MAP2: variants seen among roughly 807,000 people sequenced by gnomAD.
MAP2 encodes microtubule associated protein 2, also known as microtubule-associated protein 2.
Under a neutral mutation model 137.6 loss-of-function variants are expected in MAP2, and 14 were observed. The ratio of observed to expected loss-of-function variants is 0.10; its 90% CI spans 0.07 to 0.16. The LOEUF is 0.16. Among genes scored for constraint, MAP2 ranks in the 10% least tolerant of loss-of-function variants. The probability of loss-of-function intolerance (pLI) is 1.00; values close to 1 mark genes in which losing one functional copy is unlikely to be tolerated. For synonymous variants in MAP2, 786 were observed against 782.3 expected, an observed-to-expected ratio of 1.00 and a Z score of -0.08; for missense variants, 2,088 against 2,191.5, an observed-to-expected ratio of 0.95 and a Z score of 0.94.
intron 2 of MAP2, among the ~76,000 whole-genome samples, chr2:209,576,132 T>A (rs1047741771): frequency 6.6e-6 from 1 of 152,170 alleles, no homozygotes; most frequent in Admixed American, 6.5e-5. Flanking sequence ...CTAAATCAGA[T>A]TCTTAAAGAT....
chr2:209,658,602 G>A (rs2041988141), intron 5 of MAP2, among the ~76,000 whole-genome samples: 1 of 152,026 alleles, frequency 6.6e-6, no homozygotes, highest in Admixed American at 6.5e-5. Flanking sequence ...TGCCTCCCGG[G>A]TTCAAGCGAT....
In MAP2 at chr2:209,438,988, C is replaced by T. The variant is rs190627444; in HGVS notation, c.-222+14712C>T. On this transcript the variant is annotated intron_variant, in intron 1 of 15. Coordinates refer to ENST00000682079, the MANE Select transcript of MAP2 (RefSeq NM_001375505.1). ...ACTCTAATAAAAATTTCATTTTGCT[C>T]TTAAAAATAACATACTGATTTTTAT... Among the ~76,000 whole-genome samples the T allele has an allele frequency of 9.8e-3, 1,491 of 151,464 alleles. 9 individuals are homozygous for T. Among genetic ancestry groups the T allele is most frequent in the South Asian group, 0.028 (134 of 4,814 alleles).
intron 5 of MAP2, among the ~76,000 whole-genome samples, chr2:209,654,137 A>T (rs2094982767): frequency 6.6e-6 from 1 of 152,224 alleles, no homozygotes; most frequent in South Asian, 2.1e-4. Flanking sequence ...GTGCTGCAGC[A>T]AATTCACAAG....
chr2:209,666,173 C>T (rs1003304657), intron 5 of MAP2, among the ~76,000 whole-genome samples: 1 of 152,116 alleles, frequency 6.6e-6, no homozygotes, highest in Admixed American at 6.6e-5. Context: ...AACTTGCTTT[C>T]CTTCGAGCTT....
At chr2:209,600,824 C>T (rs2082772435) in intron 3 of MAP2, among the ~76,000 whole-genome samples, 1 of 152,306 alleles carries the variant, frequency 6.6e-6, no homozygotes, top group East Asian at 1.9e-4. Context: ...TTCCCTTCTT[C>T]TTCTCTATAG....
Position 209,559,479 on chromosome 2 carries a change from C to CAAAAAAAAAAAAAA in MAP2, c.-171-20545_-171-20532dup, listed in dbSNP as rs59788211. On this transcript the variant is annotated intron_variant, in intron 2 of 15. Transcript: ENST00000682079. ...TGAAACTCCATCTCTGCCAAAAATA[C>CAAAAAAAAAAAAAA]AAAAAAAAAAAAAAAAAAAAAAAAA... Among the ~76,000 whole-genome samples, 2 of 37,542 alleles carry CAAAAAAAAAAAAAA rather than the reference C, an allele frequency of 5.3e-5. 1 individual carries two copies. 24.6% of individuals were successfully genotyped at this position (37,542 alleles called of 152,430 possible).
chr2:209,693,361 A>G lies in MAP2; in HGVS notation c.1191A>G (p.Pro397=). The G allele has an allele frequency of 6.2e-7, 1 of 1,611,972 alleles. No individual in the cohort carries two copies. The highest frequency in any genetic ancestry group is 1.7e-5 in the Admixed American group (1 of 59,586). ...CCTTACCCAAAGATGCTCACATTCC[A>G]GTTGTAGAAGAACATGTTATGGGGA... ...AMTLPKDAHI[P]VVEEHVMGKV... Residue 397 remains proline, a synonymous_variant, in exon 8 of 16, where the codon CCA becomes CCG. Coordinates refer to ENST00000682079, the MANE Select transcript of MAP2 (RefSeq NM_001375505.1).
At chr2:209,504,541 G>A (rs2060797990) in intron 1 of MAP2, among the ~76,000 whole-genome samples, 1 of 152,092 alleles carries the variant, frequency 6.6e-6, no homozygotes, top group Admixed American at 6.5e-5. Flanking sequence ...TTGTTAAGTG[G>A]CAATATCATC....
rs955113484 is a variant in MAP2 at position 209,698,040 on chromosome 2, G to C, written c.4522+989G>C. On this transcript the variant is annotated intron_variant, in intron 10 of 15. Transcript: ENST00000682079. ...TTTTTTTGTATTTTTAGTAGAGACG[G>C]GGTTTCACCATCTTGGCCAGGCTGG... Among the ~76,000 whole-genome samples the C allele has an allele frequency of 3.3e-5, 5 of 151,662 alleles. No individual in the cohort carries two copies. In the East Asian group the frequency reaches 9.7e-4, roughly 29 times the overall value.
At chr2:209,631,409 G>A (rs562731545) in intron 4 of MAP2, among the ~76,000 whole-genome samples, 4 of 152,170 alleles carry the variant, frequency 2.6e-5, no homozygotes, top group African/African-American at 7.2e-5. Flanking sequence ...TCATTGAAAC[G>A]AATTTTAATT....
rs79482289 is a variant in MAP2, at chr2:209,683,589, A to G, written c.454+2762A>G. 2.2e-4 allele frequency among the ~76,000 whole-genome samples: 33 copies of G among 152,348 alleles called. No individual in the cohort carries two copies. In the East Asian group the frequency reaches 6.4e-3, roughly 29 times the overall value. ...AGAAAATAAATTAGTGACAAGTCACAAGACAGGATTGAACTGTTCAATTTT... is the reference window on the plus strand; with the variant it reads ...AGAAAATAAATTAGTGACAAGTCACGAGACAGGATTGAACTGTTCAATTTT... On this transcript the variant is annotated intron_variant, in intron 7 of 15. Coordinates refer to ENST00000682079, the MANE Select transcript of MAP2 (RefSeq NM_001375505.1).
intron 5 of MAP2, among the ~76,000 whole-genome samples, chr2:209,658,023 A>C (rs2041732109): frequency 6.6e-6 from 1 of 152,290 alleles, no homozygotes; most frequent in African/African-American, 2.4e-5. Context: ...AAGCAAGAGG[A>C]ATGCATTTTG....
At chr2:209,429,872 AGT>A (rs1164708728) in intron 1 of MAP2, among the ~76,000 whole-genome samples, 1 of 152,114 alleles carries the variant, frequency 6.6e-6, no homozygotes, top group African/African-American at 2.4e-5. Flanking sequence ...GGCATGAGAA[AGT>A]GTTCATCAAT....
At chr2:209,482,298 A>G (rs1323863387) in intron 1 of MAP2, among the ~76,000 whole-genome samples, 1 of 152,230 alleles carries the variant, frequency 6.6e-6, no homozygotes, top group Admixed American at 6.5e-5. Context: ...AAATGTTTGC[A>G]TAAATGACTG....
intron 2 of MAP2, among the ~76,000 whole-genome samples, chr2:209,562,133 G>A (rs555827083): frequency 1.6e-4 from 25 of 152,010 alleles, no homozygotes; most frequent in Non-Finnish European, 3.4e-4. Flanking sequence ...TCTTCAAAAT[G>A]AAAATAAATA....
chr2:209,499,671 TC>T (rs1230927763), intron 1 of MAP2, among the ~76,000 whole-genome samples: 1 of 152,096 alleles, frequency 6.6e-6, no homozygotes, highest in African/African-American at 2.4e-5. Flanking sequence ...GGCATCAGCT[TC>T]TGGGGAGGCC....
At chr2:209,514,832 A>G (rs1293696411) in intron 2 of MAP2, among the ~76,000 whole-genome samples, 1 of 152,134 alleles carries the variant, frequency 6.6e-6, no homozygotes, top group Non-Finnish European at 1.5e-5. Context: ...GTGTATTAGA[A>G]AAAGGAATAT....
chr2:209,447,529 CT>C (rs1354785664), intron 1 of MAP2, among the ~76,000 whole-genome samples: 1 of 151,950 alleles, frequency 6.6e-6, no homozygotes, highest in Non-Finnish European at 1.5e-5. Flanking sequence ...GAAATTCTTA[CT>C]AAAAATTTGA....
At chr2:209,535,591 C>T (rs1440635661) in intron 2 of MAP2, among the ~76,000 whole-genome samples, 1 of 149,750 alleles carries the variant, frequency 6.7e-6, no homozygotes, top group Non-Finnish European at 1.5e-5. Flanking sequence ...GAAAGCTGAT[C>T]AATGGCTGTG....
Sources: allele counts gnomAD v4.1 joint callset (sites outside exome capture counted in the v4.1 genomes callset), GRCh38; gene constraint gnomAD v4.1.1; transcripts MANE v1.5; gene names NCBI Gene and HGNC (gene_info 2026-07-23, HGNC 2026-07-21).